The following CTBP2 variants were observed in gnomAD, a reference collection of about 807,000 sequenced individuals.
CTBP2 encodes the protein C-terminal binding protein 2, also known as C-terminal-binding protein 2.
A neutral mutation model predicts 80.3 loss-of-function variants in CTBP2; 30 were observed. The observed-to-expected ratio is 0.37, with a 90% confidence interval of 0.28 to 0.51. The LOEUF is 0.51. CTBP2 is among the 20% of genes least tolerant of loss of function. The probability of loss-of-function intolerance (pLI) is 0.93; values close to 1 mark genes in which losing one functional copy is unlikely to be tolerated. For missense variants in CTBP2, 1,212 were observed against 1,375.3 expected (o/e 0.88, Z 1.88); for synonymous variants, 594 against 587.4 (o/e 1.01, Z -0.16).
intron 2 of CTBP2, among the ~76,000 whole-genome samples, chr10:125,042,309 G>T (rs1202649328): frequency 6.6e-6 from 1 of 152,168 alleles, no homozygotes; most frequent in Non-Finnish European, 1.5e-5. Flanking sequence ...GCGGCCTCCA[G>T]CTGGTCTCCA....
chr10:125,020,740 G>C (rs920644342), intron 1 of CTBP2, among the ~76,000 whole-genome samples: 1 of 152,172 alleles, frequency 6.6e-6, no homozygotes, highest in Non-Finnish European at 1.5e-5. Flanking sequence ...TTACGCACAA[G>C]GCCTGAGACT....
In CTBP2 at chr10:125,026,094, C is replaced by T. The variant is rs773600503; in HGVS notation, c.1666G>A (p.Ala556Thr). The T allele has an allele frequency of 6.4e-7, 1 of 1,567,266 alleles. No homozygotes were observed. Among genetic ancestry groups the T allele is most frequent in the Non-Finnish European group, 8.7e-7 (1 of 1,151,972 alleles). Residue 556 changes from alanine to threonine, a missense_variant, in exon 1 of 9, where the codon GCA becomes ACA. Ala to Thr is a moderately conservative substitution (Grantham distance 58). This residue lies in a region of CTBP2 where 848 missense variants were observed against 782.3 expected (regional missense o/e 1.08). Transcript: ENST00000309035. ...GAGGATGTATTACTTGGTTCTGGTG[C>T]AAGCATGGTGGACACGATGATGGGT...
chr10:125,058,102 TAC>T (rs1564819664), intron 2 of CTBP2, among the ~76,000 whole-genome samples: 1 of 152,014 alleles, frequency 6.6e-6, no homozygotes. Flanking sequence ...TATGAACTGT[TAC>T]AGAGTTTTAC....
intron 1 of CTBP2, among the ~76,000 whole-genome samples, chr10:125,144,339 G>A (rs1591065305): frequency 6.6e-6 from 1 of 152,184 alleles, no homozygotes; most frequent in Non-Finnish European, 1.5e-5. Flanking sequence ...GATCTCGCTC[G>A]ATCATTAATT....
chr10:125,068,735 G>A (rs1845016142), intron 2 of CTBP2, among the ~76,000 whole-genome samples: 1 of 152,286 alleles, frequency 6.6e-6, no homozygotes, highest in Non-Finnish European at 1.5e-5. Context: ...TATGCAGAGG[G>A]GTTTCTGAGC....
At chr10:125,002,056 C>T (rs934505475) in intron 3 of CTBP2, among the ~76,000 whole-genome samples, 13 of 152,194 alleles carry the variant, frequency 8.5e-5, no homozygotes, top group African/African-American at 2.2e-4. Context: ...GGGGAAATAG[C>T]GCCTGGGCTA....
intron 1 of CTBP2, among the ~76,000 whole-genome samples, chr10:125,021,299 C>T (rs991069032): frequency 6.6e-6 from 1 of 152,174 alleles, no homozygotes; most frequent in Admixed American, 6.5e-5. Flanking sequence ...TCAAGACCTA[C>T]CCCCTTTGAC....
At chr10:125,045,935 T>C (rs1240163033) in intron 2 of CTBP2, among the ~76,000 whole-genome samples, 1 of 151,360 alleles carries the variant, frequency 6.6e-6, no homozygotes, top group Non-Finnish European at 1.5e-5. Flanking sequence ...CCTCGATCAG[T>C]TCCAAGGGCC....
chr10:125,123,622 G>A (rs190778051), intron 1 of CTBP2, among the ~76,000 whole-genome samples: 2 of 152,360 alleles, frequency 1.3e-5, no homozygotes, highest in African/African-American at 4.8e-5. Context: ...GGGGCCATGA[G>A]GAGCTGGCCC....
At chr10:125,113,581 T>C (rs183938544) in intron 1 of CTBP2, among the ~76,000 whole-genome samples, 34 of 152,328 alleles carry the variant, frequency 2.2e-4, no homozygotes, top group Admixed American at 2.1e-3. Flanking sequence ...GTATCTATTT[T>C]CAGGAAGTAG....
intron 2 of CTBP2, among the ~76,000 whole-genome samples, chr10:125,094,097 A>T (rs1849186036): frequency 6.6e-6 from 1 of 152,190 alleles, no homozygotes; most frequent in Non-Finnish European, 1.5e-5. Flanking sequence ...TCCTAGCAGC[A>T]GGGGTGGTAA....
At chr10:125,056,678 G>C (rs1964003391) in intron 2 of CTBP2, among the ~76,000 whole-genome samples, 1 of 152,232 alleles carries the variant, frequency 6.6e-6, no homozygotes, top group South Asian at 2.1e-4. Flanking sequence ...CCTGCCTCTA[G>C]AACGGCCACA....
chr10:125,110,069 G>A (rs1274804926), intron 2 of CTBP2, among the ~76,000 whole-genome samples: 1 of 152,158 alleles, frequency 6.6e-6, no homozygotes, highest in Non-Finnish European at 1.5e-5. Flanking sequence ...GTCTCTAACT[G>A]CCTCCAGCAA....
chr10:125,134,241 T>A (rs557486067), intron 1 of CTBP2, among the ~76,000 whole-genome samples: 3 of 152,166 alleles, frequency 2.0e-5, no homozygotes, highest in Admixed American at 6.5e-5. Flanking sequence ...AACTCAGAGG[T>A]GGAGAGACTG....
At chr10:125,012,070 G>A (rs1032493096) in intron 1 of CTBP2, among the ~76,000 whole-genome samples, 2 of 152,272 alleles carry the variant, frequency 1.3e-5, no homozygotes, top group African/African-American at 4.8e-5. Context: ...AAAGATCCGT[G>A]AAGGGACATC....
chr10:125,116,737 T>C (rs1853377313), intron 1 of CTBP2, among the ~76,000 whole-genome samples: 1 of 152,200 alleles, frequency 6.6e-6, no homozygotes, highest in African/African-American at 2.4e-5. Flanking sequence ...CATGTAGCTG[T>C]TTCCCAGTCC....
chr10:124,993,443 G>C (rs1952993932), intron 6 of CTBP2, 114 bp from the exon 9 acceptor site: 2 of 1,164,206 alleles, frequency 1.7e-6, no homozygotes, highest in Middle Eastern at 2.1e-4. Flanking sequence ...AGATAGCATG[G>C]ATACAGGAAC....
At position 124,993,080 on chromosome 10, in the gene CTBP2, T is replaced by C; in HGVS notation, c.2659+122A>G. 4 of 1,270,588 alleles carry C rather than the reference T, an allele frequency of 3.1e-6. No individual in the cohort carries two copies. The Middle Eastern group carries it at 8.4e-4, about 268-fold the overall frequency. 78.7% of individuals were successfully genotyped at this position (1,270,588 alleles called of 1,614,324 possible). A position where few individuals can be genotyped will look rare whatever the true frequency, so the allele number is the denominator to read the frequency against. ...GTAAATAAACAGGGCCCAACTCATA[T>C]AAATTTGATGCTAAAAGTGAATTCT... On this transcript the variant is annotated intron_variant, in intron 7 of 8. Transcript: ENST00000309035.
intron 2 of CTBP2, among the ~76,000 whole-genome samples, chr10:125,059,201 C>A (rs538776453): frequency 6.6e-6 from 1 of 152,092 alleles, no homozygotes; most frequent in Non-Finnish European, 1.5e-5. Context: ...GTTTCAGGAT[C>A]CTGCTGGGTT....
Sources: gnomAD v4.1 joint callset for allele counts (sites outside exome capture counted in the v4.1 genomes callset) on GRCh38, gnomAD v4.1.1 for gene constraint, gnomAD v4.1.1 regional missense constraint, MANE v1.5 for transcripts, NCBI Gene and HGNC (gene_info 2026-07-23, HGNC 2026-07-21) for gene names.